The following ECPAS variants were observed in gnomAD, a reference collection of about 807,000 sequenced individuals.
ECPAS encodes the protein proteasome adapter and scaffold protein ECM29.
In ECPAS, 70 loss-of-function variants were observed where a neutral mutation model predicts 255.1. That is an observed-to-expected ratio of 0.27 (90% CI 0.23 to 0.33). The LOEUF (loss-of-function observed/expected upper bound fraction) is 0.33. Ranked by LOEUF, ECPAS falls within the 10% of genes least tolerant of loss-of-function variation. The pLI is 1.00. For missense variants in ECPAS, 1,817 were observed against 2,206.4 expected (o/e 0.82, Z 3.54); for synonymous variants, 784 against 775.0 (o/e 1.01, Z -0.19).
intron 2 of ECPAS, among the ~76,000 whole-genome samples, chr9:111,464,118 T>C (rs1296453309): frequency 1.3e-5 from 2 of 152,110 alleles, no homozygotes; most frequent in Non-Finnish European, 2.9e-5. Flanking sequence ...CAACACTTTA[T>C]GTAACACCGT....
chr9:111,373,536 T>C, intron 39 of ECPAS, 130 bp from the exon 40 acceptor site: 1 of 696,160 alleles, frequency 1.4e-6, no homozygotes, highest in South Asian at 1.9e-5. Flanking sequence ...GATTTCTGGA[T>C]GTTATATTTA....
At chr9:111,376,151 A>G (rs1428133403) in intron 37 of ECPAS, among the ~76,000 whole-genome samples, 2 of 152,316 alleles carry the variant, frequency 1.3e-5, no homozygotes, top group East Asian at 3.9e-4. Flanking sequence ...CCTCCCAAAG[A>G]TAACTATTAG....
Position 111,361,014 on chromosome 9 carries a change from G to C in ECPAS, c.*1016C>G, listed in dbSNP as rs1298555437. The C allele has an allele frequency of 1.3e-5, 2 of 152,170 alleles. No individual in the cohort carries two copies. Among genetic ancestry groups the C allele is most frequent in the Non-Finnish European group, 2.9e-5 (2 of 68,034 alleles). 9.4% of individuals were successfully genotyped at this position (152,170 alleles called of 1,614,324 possible). ...ACCCCTAGTGGCAATGATTTACTTG[G>C]AGTGGTATCATGTTCTTTTGAGAAA... On this transcript the variant is annotated 3_prime_UTR_variant, in exon 50 of 50. Coordinates refer to ENST00000684092, the MANE Select transcript of ECPAS (RefSeq NM_001364929.1).
Position 111,433,947 on chromosome 9 carries a change from T to G in ECPAS, c.709-575A>C, listed in dbSNP as rs558586118. 3.3e-5 allele frequency among the ~76,000 whole-genome samples: 5 copies of G among 152,356 alleles called. No homozygotes were observed. In the East Asian group the frequency reaches 9.6e-4, roughly 29 times the overall value. On this transcript the variant is annotated intron_variant, in intron 7 of 49. Coordinates refer to ENST00000684092, the MANE Select transcript of ECPAS (RefSeq NM_001364929.1). ...AAATTCTAATCAAACAGTTTTCAATTTAATTGACTGGCTGAAATGAAACAG... is the reference window on the plus strand; with the variant it reads ...AAATTCTAATCAAACAGTTTTCAATGTAATTGACTGGCTGAAATGAAACAG...
chr9:111,444,438 T>C lies in ECPAS; in HGVS notation c.210A>G (p.Gln70=), dbSNP rs778071084. 5.6e-6 allele frequency: 9 copies of C among 1,613,872 alleles called. No homozygotes were observed. The Admixed American group carries it at 1.2e-4, about 21-fold the overall frequency. ...NKRIKSRPKI[Q]LPVETLLVQY... is the part of the protein sequence containing the mutation. ...GAACCAACAGTGTCTCTACTGGAAG[T>C]TGTATTTTGGGGCGGCTTTTTATAC... Residue 70 remains glutamine (Q), a synonymous_variant, in exon 4 of 50, where the codon CAA becomes CAG. Transcript: ENST00000684092.
chr9:111,479,056 G>C (rs184079589), intron 1 of ECPAS, among the ~76,000 whole-genome samples: 2 of 152,256 alleles, frequency 1.3e-5, no homozygotes, highest in East Asian at 3.9e-4. Context: ...AGAGACTGAG[G>C]ACACTGGGAC....
At chr9:111,404,037 G>C (rs2098180230) in intron 24 of ECPAS, among the ~76,000 whole-genome samples, 1 of 149,290 alleles carries the variant, frequency 6.7e-6, no homozygotes, top group Non-Finnish European at 1.5e-5. Flanking sequence ...AATTAAGAAA[G>C]AAAAATTTAA....
chr9:111,483,935 C>T, intron 1 of ECPAS, 181 bp downstream of exon 1: 1 of 847,654 alleles, frequency 1.2e-6, no homozygotes, highest in South Asian at 5.1e-5. Flanking sequence ...CCCCGCCGGG[C>T]CCCTCGCGCG....
At position 111,444,451 on chromosome 9, in the gene ECPAS, C is replaced by T. The variant is rs372926033; in HGVS notation, c.197G>A (p.Arg66His). The T allele has an allele frequency of 2.1e-5, 34 of 1,613,640 alleles. No homozygotes were observed. The highest frequency in any genetic ancestry group is 5.3e-5 in the African/African-American group (4 of 74,876). The change falls in exon 4 of 50, where the codon CGC becomes CAC. Residue 66 changes from arginine (R) to histidine (H), a missense_variant. Arg to His is a conservative substitution (Grantham distance 29). Around this residue, in one of 4 missense-constraint regions of ECPAS, gnomAD observed 90 missense variants for 158.5 expected, o/e 0.57. Transcript: ENST00000684092. ...CTCTACTGGAAGTTGTATTTTGGGG[C>T]GGCTTTTTATACGTTTATTCAGATG... ...LVHLNKRIKS[R>H]PKIQLPVETL...
chr9:111,428,528 A>G (rs1446025448), intron 9 of ECPAS, among the ~76,000 whole-genome samples: 1 of 152,196 alleles, frequency 6.6e-6, no homozygotes, highest in African/African-American at 2.4e-5. Flanking sequence ...TCGCCTTACT[A>G]CAAGAGAAAT....
rs1239630360 is a variant in ECPAS, at chr9:111,427,990, A to G, written c.1050+52T>C. 2.6e-6 allele frequency: 4 copies of G among 1,553,812 alleles called. No individual in the cohort carries two copies. The African/African-American group carries it at 4.1e-5, about 16-fold the overall frequency. On this transcript the variant is annotated intron_variant, in intron 10 of 49. Coordinates refer to ENST00000684092, the MANE Select transcript of ECPAS (RefSeq NM_001364929.1). ...TTAACACAGTTCTTTCTCTAATTAAATAGACATAAAAGTTGCAGACAGGCC... is the reference window on the plus strand; with the variant it reads ...TTAACACAGTTCTTTCTCTAATTAAGTAGACATAAAAGTTGCAGACAGGCC...
intron 24 of ECPAS, among the ~76,000 whole-genome samples, chr9:111,401,857 C>T (rs914187601): frequency 7.2e-5 from 11 of 152,228 alleles, no homozygotes; most frequent in African/African-American, 2.7e-4. Flanking sequence ...GCAGTCAGAC[C>T]TTACGGTTAT....
chr9:111,415,502 C>G (rs947606940), intron 18 of ECPAS, among the ~76,000 whole-genome samples: 3 of 151,990 alleles, frequency 2.0e-5, no homozygotes, highest in African/African-American at 7.2e-5. Flanking sequence ...GAGTTCAAGA[C>G]CAGCCTGGGA....
chr9:111,417,573 C>A (rs187505133), intron 17 of ECPAS, among the ~76,000 whole-genome samples: 1 of 152,066 alleles, frequency 6.6e-6, no homozygotes, highest in Non-Finnish European at 1.5e-5. Context: ...TGGTGAAACA[C>A]TGTTTCTACT....
chr9:111,392,232 T>C (rs1361633867), intron 28 of ECPAS, among the ~76,000 whole-genome samples: 1 of 152,062 alleles, frequency 6.6e-6, no homozygotes, highest in Non-Finnish European at 1.5e-5. Context: ...AGAGCAAGAC[T>C]ACAACAACAA....
In ECPAS at chr9:111,473,001, C is replaced by G; in HGVS notation, c.-82-1G>C. ...GTACATATGCAATTGTATAAAGAAT[C>G]TATTATTTAGAACACCAAAAAAATA... On this transcript the variant is annotated splice_acceptor_variant, in intron 1 of 49. Transcript: ENST00000684092. LOFTEE classifies it low-confidence loss of function (5UTR_SPLICE). The G allele has an allele frequency of 9.4e-7, 1 of 1,068,318 alleles. No individual in the cohort carries two copies. The allele number at this position is 1,068,318 out of a possible 1,614,324, so 66.2% of individuals were successfully genotyped here. A position where few individuals can be genotyped will look rare whatever the true frequency, so the allele number is the denominator to read the frequency against.
At chr9:111,393,533 C>T (rs370336883) in intron 27 of ECPAS, 147 bp downstream of exon 27, 7 of 603,302 alleles carry the variant, frequency 1.2e-5, no homozygotes, top group African/African-American at 3.8e-5. Flanking sequence ...TAACATAATG[C>T]TTATCCTTAC....
At chr9:111,450,790 T>C (rs1005221118) in intron 3 of ECPAS, among the ~76,000 whole-genome samples, 1 of 152,138 alleles carries the variant, frequency 6.6e-6, no homozygotes, top group African/African-American at 2.4e-5. Flanking sequence ...TAGCCAGGCA[T>C]GGTGGTCTGC....
intron 34 of ECPAS, 97 bp from the exon 35 acceptor site, chr9:111,383,429 A>G: frequency 7.1e-7 from 1 of 1,418,026 alleles, no homozygotes; most frequent in Non-Finnish European, 9.5e-7. Context: ...ATCTACAGGG[A>G]AGAATAAGTG....
Sources: gnomAD v4.1 joint callset for allele counts (sites outside exome capture counted in the v4.1 genomes callset) on GRCh38, gnomAD v4.1.1 for gene constraint, gnomAD v4.1.1 regional missense constraint, MANE v1.5 for transcripts, NCBI Gene and HGNC (gene_info 2026-07-23, HGNC 2026-07-21) for gene names.